The following SCAF8 variants were observed in gnomAD, a reference collection of about 807,000 sequenced individuals.
SCAF8 encodes SR-related CTD associated factor 8.
A neutral mutation model predicts 140.5 loss-of-function variants in SCAF8; 23 were observed. The ratio of observed to expected loss-of-function variants is 0.16; its 90% CI spans 0.12 to 0.23. SCAF8 has a LOEUF of 0.23. Ranked by LOEUF, SCAF8 falls within the 10% of genes least tolerant of loss-of-function variation. The pLI is 1.00. For missense variants in SCAF8, 1,397 were observed against 1,555.7 expected (o/e 0.90, Z 1.72); for synonymous variants, 575 against 528.9 (o/e 1.09, Z -1.20).
intron 9 of SCAF8, among the ~76,000 whole-genome samples, chr6:154,806,728 T>G (rs1352591630): frequency 2.0e-5 from 3 of 152,178 alleles, no homozygotes; most frequent in African/African-American, 7.2e-5. Context: ...GCATTGGAAC[T>G]CATGCCTAGA....
intron 1 of SCAF8, among the ~76,000 whole-genome samples, chr6:154,769,082 AAAAAT>A (rs78584883): frequency 3.3e-5 from 5 of 150,620 alleles, no homozygotes; most frequent in African/African-American, 9.7e-5. Context: ...AAAAAAAAAA[AAAAAT>A]CACATATAAG....
intron 18 of SCAF8, among the ~76,000 whole-genome samples, chr6:154,830,389 C>T (rs1446676873): frequency 6.6e-6 from 1 of 152,136 alleles, no homozygotes; most frequent in Non-Finnish European, 1.5e-5. Flanking sequence ...GACAAATGCA[C>T]TTAGGGATAT....
intron 3 of SCAF8, among the ~76,000 whole-genome samples, chr6:154,780,012 C>T (rs1367752534): frequency 6.6e-6 from 1 of 152,080 alleles, no homozygotes; most frequent in African/African-American, 2.4e-5. Flanking sequence ...CTTACATGCA[C>T]TCATTTGTAT....
At chr6:154,775,124 T>C (rs1419080997) in intron 2 of SCAF8, among the ~76,000 whole-genome samples, 1 of 152,194 alleles carries the variant, frequency 6.6e-6, no homozygotes, top group Admixed American at 6.5e-5. Flanking sequence ...TAATTACTAC[T>C]GGGTGAAAAT....
intron 13 of SCAF8, among the ~76,000 whole-genome samples, chr6:154,816,861 A>G (rs1157689261): frequency 6.6e-6 from 1 of 152,180 alleles, no homozygotes; most frequent in Non-Finnish European, 1.5e-5. Flanking sequence ...GAGCCTCATA[A>G]GAAGCTGGTT....
rs767783446 is a variant in SCAF8 at position 154,832,108 on chromosome 6, C to T, written c.2529C>T (p.Ala843=). ...CCAGTAGTTCTGGGATTATTGCAGC[C>T]CAACCACCAAATATTCTAAATAACT... The part of the protein sequence containing the change: ...NVSSSSGIIA[A]QPPNILNNSG... Residue 843 remains alanine, a synonymous_variant, in exon 20 of 20, where the codon GCC becomes GCT. Coordinates refer to ENST00000367178, the MANE Select transcript of SCAF8 (RefSeq NM_014892.5). 45 of 1,613,740 alleles carry T rather than the reference C, an allele frequency of 2.8e-5. No individual in the cohort carries two copies. The highest frequency in any genetic ancestry group is 3.6e-5 in the Non-Finnish European group (42 of 1,179,954).
chr6:154,760,321 ATTTTCT>A lies in SCAF8; in HGVS notation c.31-13664_31-13659del, dbSNP rs142976632. Reference sequence around the variant, plus strand: ...AATAGATAAAATAAAATTCTGGCTCATTTTCTTTTCTTCTTTTTTTTAAAAATTAAA... The same window carrying A: ...AATAGATAAAATAAAATTCTGGCTCATTTCTTCTTTTTTTTAAAAATTAAA... On this transcript the variant is annotated intron_variant, in intron 1 of 19. Transcript: ENST00000367178. Among the ~76,000 whole-genome samples, 1,036 of 152,070 alleles carry A rather than the reference ATTTTCT, an allele frequency of 6.8e-3. 4 individuals carry two copies. Among genetic ancestry groups the A allele is most frequent in the Middle Eastern group, 0.024 (7 of 294 alleles).
intron 6 of SCAF8, among the ~76,000 whole-genome samples, chr6:154,798,891 C>G (rs1349679107): frequency 1.3e-5 from 2 of 151,398 alleles, no homozygotes; most frequent in Non-Finnish European, 3.0e-5. Flanking sequence ...CTTTGAACTC[C>G]TGGACTGAAG....
chr6:154,735,450 T>G (rs562802133), intron 1 of SCAF8, among the ~76,000 whole-genome samples: 1 of 152,196 alleles, frequency 6.6e-6, no homozygotes, highest in African/African-American at 2.4e-5. Context: ...TTGGAAAGCA[T>G]TTTCTTTTTT....
chr6:154,776,956 G>A (rs1776933623), intron 2 of SCAF8, among the ~76,000 whole-genome samples: 1 of 152,186 alleles, frequency 6.6e-6, no homozygotes, highest in African/African-American at 2.4e-5. Flanking sequence ...CGAGGTGGGT[G>A]GATCACTTGA....
At chr6:154,830,865 C>G (rs1778710006) in intron 18 of SCAF8, 57 bp from the exon 19 acceptor site, 1 of 1,340,970 alleles carries the variant, frequency 7.5e-7, no homozygotes, top group Non-Finnish European at 1.1e-6. Context: ...TGCCAGAAAA[C>G]TTAGCACATG....
intron 1 of SCAF8, among the ~76,000 whole-genome samples, chr6:154,742,441 A>G (rs1437647599): frequency 1.3e-5 from 2 of 152,090 alleles, no homozygotes; most frequent in Non-Finnish European, 2.9e-5. Context: ...TGAATTTTTG[A>G]TTTTCTAATT....
chr6:154,733,472 G>A lies in SCAF8; in HGVS notation c.-429G>A. 7.4e-7 allele frequency: 1 copy of A among 1,359,908 alleles called. No homozygotes were observed. The highest frequency in any genetic ancestry group is 9.4e-7 in the Non-Finnish European group (1 of 1,059,618). 84.2% of individuals were successfully genotyped at this position (1,359,908 alleles called of 1,614,324 possible). On this transcript the variant is annotated 5_prime_UTR_variant, in exon 1 of 20. Coordinates refer to ENST00000367178, the MANE Select transcript of SCAF8 (RefSeq NM_014892.5). ...CTTCCTCCTCTGTCTTCGCCGAGCG[G>A]GGCTGGTTCCTGCGGCCCGAGCGGC...
chr6:154,824,003 T>C (rs972197322), intron 16 of SCAF8, among the ~76,000 whole-genome samples: 1 of 152,194 alleles, frequency 6.6e-6, no homozygotes, highest in Admixed American at 6.5e-5. Flanking sequence ...TTTACATCAC[T>C]TGAATGTAAG....
Position 154,830,913 on chromosome 6 carries a change from T to C in SCAF8, c.2141-9T>C, listed in dbSNP as rs2114697190. 2 of 1,610,290 alleles carry C rather than the reference T, an allele frequency of 1.2e-6. No homozygotes were observed. The highest frequency in any genetic ancestry group is 1.7e-6 in the Non-Finnish European group (2 of 1,176,788). ...AAATCTGAAATATATTTTTCTCCTC[T>C]TTAAACAGCTTTAGTGCAGCCGTCA... is the stretch of plus-strand genomic sequence containing the variant. On this transcript the variant is annotated splice_polypyrimidine_tract_variant and intron_variant, in intron 18 of 19. Coordinates refer to ENST00000367178, the MANE Select transcript of SCAF8 (RefSeq NM_014892.5).
intron 1 of SCAF8, among the ~76,000 whole-genome samples, chr6:154,746,666 A>G (rs1455450456): frequency 6.6e-6 from 1 of 152,022 alleles, no homozygotes; most frequent in Admixed American, 6.5e-5. Flanking sequence ...AAACAAACCT[A>G]TTAATTAGAG....
Position 154,810,198 on chromosome 6 carries a change from A to G in SCAF8, c.1410A>G (p.Lys470=), listed in dbSNP as rs777968923. Residue 470 remains lysine (K), a synonymous_variant, in exon 12 of 20, where the codon AAA becomes AAG. Coordinates refer to ENST00000367178, the MANE Select transcript of SCAF8 (RefSeq NM_014892.5). The part of the protein sequence containing the change: ...QKKGLPPIRS[K]TLSVCSTTLW... ...AGGGATTACCTCCAATTAGATCTAA[A>G]ACACTAAGTGGTAAGTAACATATAT... 6.2e-7 allele frequency: 1 copy of G among 1,603,816 alleles called. No homozygotes were observed. The highest frequency in any genetic ancestry group is 8.5e-7 in the Non-Finnish European group (1 of 1,175,592).
intron 16 of SCAF8, among the ~76,000 whole-genome samples, 196 bp from the exon 17 acceptor site, chr6:154,824,038 A>G (rs149350479): frequency 8.5e-5 from 13 of 152,220 alleles, no homozygotes; most frequent in Middle Eastern, 6.8e-3. Context: ...CTCCAAGTAA[A>G]AACTATCTGT....
chr6:154,744,142 A>C (rs1332337475), intron 1 of SCAF8, among the ~76,000 whole-genome samples: 4 of 152,150 alleles, frequency 2.6e-5, no homozygotes. Context: ...AAAATATAAA[A>C]ATTAGCCAGG....
Sources: allele counts gnomAD v4.1 joint callset (sites outside exome capture counted in the v4.1 genomes callset), GRCh38; gene constraint gnomAD v4.1.1; transcripts MANE v1.5; gene names NCBI Gene and HGNC (gene_info 2026-07-23, HGNC 2026-07-21).